FAT2: variants seen among roughly 807,000 people sequenced by gnomAD.
FAT2 encodes the protein FAT atypical cadherin 2.
FAT2 carries 150 observed loss-of-function variants against 295.3 expected under a neutral mutation model. The ratio of observed to expected loss-of-function variants is 0.51; its 90% CI spans 0.44 to 0.58. FAT2 has a LOEUF of 0.58. FAT2 is among the 20% of genes least tolerant of loss of function. The pLI is 0.00. For synonymous variants in FAT2, 2,026 were observed against 2,150.3 expected, an observed-to-expected ratio of 0.94 and a Z score of 1.60; for missense variants, 4,868 against 5,442.7, an observed-to-expected ratio of 0.89 and a Z score of 3.32.
At position 151,537,844 on chromosome 5, in the gene FAT2, A is replaced by G. The variant is rs763611089; in HGVS notation, c.9142T>C (p.Tyr3048His). The G allele has an allele frequency of 1.2e-6, 2 of 1,614,064 alleles. No individual in the cohort carries two copies. The highest frequency in any genetic ancestry group is 1.1e-5 in the South Asian group (1 of 91,066). Reference protein sequence around the residue: ...LDTDTNAQITYSLHGPGAHEF... With the variant: ...LDTDTNAQITHSLHGPGAHEF... ...TGCGCCCCAGGGCCATGCAGAGAAT[A>G]TGTGATCTGAGCATTGGTATCAGTG... The change falls in exon 12 of 24, where the codon TAT becomes CAT. Residue 3048 changes from tyrosine to histidine, a missense_variant. By Grantham distance (83) the Tyr-to-His change is moderately conservative. Coordinates refer to ENST00000261800, the MANE Select transcript of FAT2 (RefSeq NM_001447.3).
At chr5:151,576,865 C>A (rs2881557) in intron 1 of FAT2, among the ~76,000 whole-genome samples, 135,540 of 152,178 alleles carry the variant, frequency 0.89, 60,727 homozygotes, top group African/African-American at 0.96. Flanking sequence ...TAGGTGGTGA[C>A]GCTTACTACA....
At chr5:151,555,832 A>G (rs1272706227) in intron 4 of FAT2, among the ~76,000 whole-genome samples, 1 of 152,142 alleles carries the variant, frequency 6.6e-6, no homozygotes, top group East Asian at 1.9e-4. Flanking sequence ...AAATAGTTAG[A>G]TTTCCACCTG....
At chr5:151,550,947 G>T in intron 7 of FAT2, 76 bp from the exon 8 acceptor site, 2 of 1,374,844 alleles carry the variant, frequency 1.5e-6, no homozygotes, top group Non-Finnish European at 2.0e-6. Flanking sequence ...GGACCTCCCT[G>T]TATCACCCAG....
At chr5:151,585,765 T>C (rs1759145415) in intron 1 of FAT2, among the ~76,000 whole-genome samples, 1 of 152,186 alleles carries the variant, frequency 6.6e-6, no homozygotes, top group Non-Finnish European at 1.5e-5. Context: ...TTCTAGGAAT[T>C]TTTCAAGATG....
intron 1 of FAT2, among the ~76,000 whole-genome samples, chr5:151,576,204 G>A (rs1339008806): frequency 6.6e-6 from 1 of 152,284 alleles, no homozygotes; most frequent in Non-Finnish European, 1.5e-5. Flanking sequence ...TAAAATTCAC[G>A]TATACTTAGC....
In FAT2 at chr5:151,545,173, T is replaced by C. The variant is rs1332089321; in HGVS notation, c.5954A>G (p.Lys1985Arg). 6.2e-7 allele frequency: 1 copy of C among 1,614,210 alleles called. No individual in the cohort carries two copies. Reference protein sequence around the residue: ...AAVKENLQDRKALVILGAQGN... With the variant: ...AAVKENLQDRRALVILGAQGN... The stretch of plus-strand genomic sequence containing the variant: ...CTGGGCACCAAGAATCACCAGTGCC[T>C]TTCTGTCCTGCAAGTTCTCCTTCAC... Residue 1985 changes from lysine (K) to arginine (R), a missense_variant, in exon 10 of 24, where the codon AAG becomes AGG. This residue lies in a region of FAT2 where 3,297 missense variants were observed against 3,669.4 expected (regional missense o/e 0.90). Transcript: ENST00000261800.
At chr5:151,538,369 T>G (rs569573899) in intron 11 of FAT2, among the ~76,000 whole-genome samples, 1 of 152,236 alleles carries the variant, frequency 6.6e-6, no homozygotes, top group African/African-American at 2.4e-5. Context: ...CAGGTCAACC[T>G]CCCCTGCCTC....
At chr5:151,514,753 A>G (rs978472514) in intron 20 of FAT2, among the ~76,000 whole-genome samples, 2 of 150,420 alleles carry the variant, frequency 1.3e-5, no homozygotes, top group Non-Finnish European at 3.0e-5. Context: ...AGATGGGGGA[A>G]CCTGCAGGCA....
In FAT2 at chr5:151,541,897, G is replaced by A. The variant is rs1318468547; in HGVS notation, c.8842+388C>T. Among the ~76,000 whole-genome samples, 3 of 151,962 alleles carry A rather than the reference G, an allele frequency of 2.0e-5. No individual in the cohort carries two copies. In the East Asian group the frequency reaches 5.8e-4, roughly 29 times the overall value. On this transcript the variant is annotated intron_variant, in intron 10 of 23. Coordinates refer to ENST00000261800, the MANE Select transcript of FAT2 (RefSeq NM_001447.3). ...TTCTATCATTCACAACTTTACCTGG[G>A]TAGGACACTCTCCATAAAGACAGTC...
Position 151,512,286 on chromosome 5 carries a change from AG to A in FAT2, c.11783del (p.Pro3928LeufsTer107). The A allele has an allele frequency of 6.2e-7, 1 of 1,614,252 alleles. No homozygotes were observed. Among genetic ancestry groups the A allele is most frequent in the Non-Finnish European group, 8.5e-7 (1 of 1,180,046 alleles). ...CCAGCAAGCCTGCCACCGTCTTGCC[AG>A]GGGCCAGCAGATCTAGAGCCTCTTC... ...VNEEALDLLA[P>X]GKTVAGLLET... On this transcript the variant is annotated frameshift_variant, in exon 21 of 24. Transcript: ENST00000261800. LOFTEE classifies it high-confidence loss of function. The surrounding 1 kb of genome is among the most constrained non-coding windows in gnomAD (Gnocchi z 4.1).
At position 151,544,504 on chromosome 5, in the gene FAT2, A is replaced by G. The variant is rs1756436481; in HGVS notation, c.6623T>C (p.Val2208Ala). Residue 2208 changes from valine to alanine, a missense_variant, in exon 10 of 24, where the codon GTG becomes GCG. Physicochemically the swap from Val to Ala is moderately conservative, Grantham distance 64. This residue lies in a region of FAT2 where 3,297 missense variants were observed against 3,669.4 expected (regional missense o/e 0.90). Transcript: ENST00000261800. The part of the protein sequence containing the change: ...PEGLRLIYNI[V>A]EEEPLMLFTT... ...GAACAGCATCAAGGGTTCTTCCTCC[A>G]CAATGTTGTAGATGAGCCGGAGTCC... 1.2e-6 allele frequency: 2 copies of G among 1,613,970 alleles called. No homozygotes were observed. Among genetic ancestry groups the G allele is most frequent in the African/African-American group, 1.3e-5 (1 of 74,874 alleles).
At chr5:151,506,852 G>C (rs547864144) in intron 23 of FAT2, among the ~76,000 whole-genome samples, 7 of 152,266 alleles carry the variant, frequency 4.6e-5, no homozygotes, top group African/African-American at 1.7e-4. Context: ...CAAATGTGCA[G>C]AAGCCCCCTT....
chr5:151,511,036 T>TGTGCTGGATAAAGATCACCCCGGCTC (rs1761280564), intron 21 of FAT2: 1 of 152,284 alleles, frequency 6.6e-6, no homozygotes, highest in African/African-American at 2.4e-5. Flanking sequence ...TGCACAGGTC[T>TGTGCTGGATAAAGATCACCCCGGCTC]GTGCTGGATA....
At chr5:151,591,704 G>T (rs1759418537), upstream of FAT2, among the ~76,000 whole-genome samples, 1 of 152,084 alleles carries the variant, frequency 6.6e-6, no homozygotes, top group African/African-American at 2.4e-5. Flanking sequence ...CTTTCCCCAG[G>T]GCTTTGGAGA....
Position 151,507,154 on chromosome 5 carries a change from C to G in FAT2, c.12517G>C (p.Val4173Leu). The G allele has an allele frequency of 6.4e-7, 1 of 1,574,764 alleles. No homozygotes were observed. Residue 4173 changes from valine (V) to leucine (L), a missense_variant and splice_region_variant, in exon 23 of 24, where the codon GTG (valine) becomes CTG (leucine). Val to Leu is a conservative substitution (Grantham distance 32, BLOSUM62 1). Coordinates refer to ENST00000261800, the MANE Select transcript of FAT2 (RefSeq NM_001447.3). ...GCTAAGCGTCTCTGGCTATACTGACCCATCTCCTCGCTGGACCAGGTTCTC... is the reference window on the plus strand; with the variant it reads ...GCTAAGCGTCTCTGGCTATACTGACGCATCTCCTCGCTGGACCAGGTTCTC... Reference protein sequence around the residue: ...IKRTWSSEEMVYPGGAMVWPP... With the variant: ...IKRTWSSEEMLYPGGAMVWPP...
rs755003439 is a variant in FAT2 at position 151,528,087 on chromosome 5, T to C, written c.10073A>G (p.Tyr3358Cys). The stretch of plus-strand genomic sequence containing the variant: ...AAGCTGGTTCCCTCCTATGAGGCTA[T>C]AGGTAATGTCACTATTTAGGGGTCC... Reference protein sequence around the residue: ...EDGPLNSDITYSLIGGNQLGH... With the variant: ...EDGPLNSDITCSLIGGNQLGH... Residue 3358 changes from tyrosine to cysteine, a missense_variant, in exon 16 of 24, where the codon TAT (tyrosine) becomes TGT (cysteine). Coordinates refer to ENST00000261800, the MANE Select transcript of FAT2 (RefSeq NM_001447.3). The C allele has an allele frequency of 1.2e-6, 2 of 1,614,090 alleles. No individual in the cohort carries two copies. Among genetic ancestry groups the C allele is most frequent in the African/African-American group, 1.3e-5 (1 of 74,922 alleles).
chr5:151,555,334 G>GC (rs1459905704), intron 4 of FAT2, among the ~76,000 whole-genome samples: 2 of 151,316 alleles, frequency 1.3e-5, no homozygotes, highest in African/African-American at 4.9e-5. Context: ...ATTCTAGAAG[G>GC]CCATTTAGCT....
rs2127630453 is a variant in FAT2, at chr5:151,554,424, G to A, written c.3883C>T (p.Leu1295=). The change falls in exon 5 of 24, where the codon CTG becomes TTG. Residue 1295 remains leucine, a synonymous_variant. Transcript: ENST00000261800. ...CTGGATGAAACCACACCTGTGACCA[G>A]GTCGATACTGAAGGCCTCCTCATCG... ...DSDEEAFSID[L]VTGVVSSSST... is the part of the protein sequence containing the mutation. 5 of 1,614,204 alleles carry A rather than the reference G, an allele frequency of 3.1e-6. No homozygotes were observed. The highest frequency in any genetic ancestry group is 3.4e-6 in the Non-Finnish European group (4 of 1,180,038).
chr5:151,507,609 C>T lies in FAT2; in HGVS notation c.12062G>A (p.Cys4021Tyr). Reference sequence around the variant, plus strand: ...TGAACAACCCCTCGCCTCCATTTCACACCTGCGGAGACAGAGTAGTCAGGG... The same window carrying T: ...TGAACAACCCCTCGCCTCCATTTCATACCTGCGGAGACAGAGTAGTCAGGG... ...NCPHPYTGDR[C>Y]EMEARGCSEG... Residue 4021 changes from cysteine to tyrosine, a missense_variant and splice_region_variant, in exon 23 of 24, where the codon TGT (cysteine) becomes TAT (tyrosine). Around this residue, in one of 5 missense-constraint regions of FAT2, gnomAD observed 492 missense variants for 482.6 expected, o/e 1.02. Coordinates refer to ENST00000261800, the MANE Select transcript of FAT2 (RefSeq NM_001447.3). 6.5e-7 allele frequency: 1 copy of T among 1,532,078 alleles called. No homozygotes were observed. Among genetic ancestry groups the T allele is most frequent in the Non-Finnish European group, 8.7e-7 (1 of 1,151,006 alleles). The allele number at this position is 1,532,078 out of a possible 1,614,324, so 94.9% of individuals were successfully genotyped here.
Sources: gnomAD v4.1 joint callset for allele counts (sites outside exome capture counted in the v4.1 genomes callset) on GRCh38, gnomAD v4.1.1 for gene constraint, gnomAD v4.1.1 regional missense constraint, Gnocchi (gnomAD v3.1) non-coding constraint, MANE v1.5 for transcripts, NCBI Gene and HGNC (gene_info 2026-07-23, HGNC 2026-07-21) for gene names.